MACF1: variants seen among roughly 807,000 people sequenced by gnomAD.
The protein encoded by MACF1 is microtubule actin crosslinking factor 1.
Under a neutral mutation model 854.8 loss-of-function variants are expected in MACF1, and 193 were observed. That is an observed-to-expected ratio of 0.23 (90% CI 0.20 to 0.25). The LOEUF is 0.25. MACF1 is among the 10% of genes least tolerant of loss of function. The probability of loss-of-function intolerance (pLI) is 1.00; values close to 1 mark genes in which losing one functional copy is unlikely to be tolerated. For synonymous variants in MACF1, 3,185 were observed against 3,226.7 expected, an observed-to-expected ratio of 0.99 and a Z score of 0.44; for missense variants, 7,722 against 8,929.1, an observed-to-expected ratio of 0.86 and a Z score of 5.45.
chr1:39,145,959 TG>T, intron 2 of MACF1, among the ~76,000 whole-genome samples: 1 of 152,186 alleles, frequency 6.6e-6, no homozygotes, highest in Non-Finnish European at 1.5e-5. Flanking sequence ...ACAACCACTA[TG>T]GAGAATGGTT....
chr1:39,232,746 G>GTTTTTTTTTTTTTT (rs10712180), intron 2 of MACF1, among the ~76,000 whole-genome samples: 2 of 128,478 alleles, frequency 1.6e-5, no homozygotes, highest in Admixed American at 7.9e-5. Context: ...TACTCTCTTT[G>GTTTTTTTTTTTTTT]TTTTTTTTTT....
intron 26 of MACF1, among the ~76,000 whole-genome samples, chr1:39,314,485 CAT>C (rs1192611328): frequency 1.3e-5 from 2 of 151,302 alleles, no homozygotes; most frequent in Non-Finnish European, 2.9e-5. Context: ...CATATACACA[CAT>C]ATACATGTAC....
At chr1:39,098,916 G>A (rs753937564) in intron 2 of MACF1, among the ~76,000 whole-genome samples, 11 of 152,210 alleles carry the variant, frequency 7.2e-5, no homozygotes, top group Non-Finnish European at 1.6e-4. Context: ...GTTTCTAGGA[G>A]CTGGGCAGAA....
intron 55 of MACF1, among the ~76,000 whole-genome samples, chr1:39,380,779 G>A (rs768676263): frequency 9.9e-5 from 15 of 152,066 alleles, no homozygotes; most frequent in Non-Finnish European, 1.9e-4. Context: ...AGGTGTGGTG[G>A]CATGAGCCTG....
At chr1:39,295,227 T>C (rs536758681) in intron 19 of MACF1, 77 bp downstream of exon 19, 19 of 1,231,202 alleles carry the variant, frequency 1.5e-5, no homozygotes, top group Non-Finnish European at 2.3e-5. Flanking sequence ...AGAGACTTTG[T>C]TCCACTGAAA....
intron 2 of MACF1, among the ~76,000 whole-genome samples, chr1:39,111,688 TA>T (rs1436537397): frequency 6.6e-6 from 1 of 152,072 alleles, no homozygotes; most frequent in Non-Finnish European, 1.5e-5. Context: ...GCAATTATTT[TA>T]TTTTTTTTAT....
chr1:39,118,424 A>G (rs1357357483), intron 2 of MACF1, among the ~76,000 whole-genome samples: 1 of 152,224 alleles, frequency 6.6e-6, no homozygotes, highest in Non-Finnish European at 1.5e-5. Context: ...CTTTCAGAGG[A>G]CTGGATCCTT....
upstream of MACF1, among the ~76,000 whole-genome samples, chr1:39,202,914 T>C (rs1238173012): frequency 1.3e-5 from 2 of 152,178 alleles, no homozygotes; most frequent in Admixed American, 1.3e-4. Context: ...GATGATCCTA[T>C]TGCCAGATTT....
chr1:39,377,738 T>A (rs1355292682), intron 52 of MACF1, among the ~76,000 whole-genome samples: 1 of 152,210 alleles, frequency 6.6e-6, no homozygotes, highest in East Asian at 1.9e-4. Flanking sequence ...GCACGGTGAC[T>A]CATGCCTATA....
intron 97 of MACF1, among the ~76,000 whole-genome samples, chr1:39,471,095 C>T (rs1644768459): frequency 6.6e-6 from 1 of 152,068 alleles, no homozygotes; most frequent in Non-Finnish European, 1.5e-5. Context: ...GGAGTGCTCT[C>T]CTGGAACTCA....
At chr1:39,448,546 A>G in intron 83 of MACF1, 48 bp from the exon 84 acceptor site, 4 of 1,414,396 alleles carry the variant, frequency 2.8e-6, no homozygotes, top group Non-Finnish European at 3.8e-6. Context: ...CCAAATCAAG[A>G]TGTCGTCTGA....
intron 2 of MACF1, among the ~76,000 whole-genome samples, chr1:39,232,146 T>G (rs1644784551): frequency 6.7e-6 from 1 of 148,414 alleles, no homozygotes; most frequent in Non-Finnish European, 1.5e-5. Flanking sequence ...AATATATTAT[T>G]ATGGTATTAT....
chr1:39,360,736 TA>T, intron 47 of MACF1, 56 bp from the exon 48 acceptor site: 1 of 862,508 alleles, frequency 1.2e-6, no homozygotes, highest in East Asian at 2.8e-5. Context: ...ATAAAGTCTT[TA>T]AAAGCATAAT....
chr1:39,364,705 G>T (rs1648530855), intron 49 of MACF1, among the ~76,000 whole-genome samples: 2 of 151,832 alleles, frequency 1.3e-5, no homozygotes, highest in Admixed American at 1.3e-4. Context: ...TGTTAGCCAG[G>T]ATGGTCTCGA....
chr1:39,096,545 C>T (rs760867061), intron 2 of MACF1, among the ~76,000 whole-genome samples: 2 of 150,084 alleles, frequency 1.3e-5, no homozygotes, highest in African/African-American at 4.9e-5. Context: ...GTCGAGACTG[C>T]GCCACTGCAC....
chr1:39,375,866 C>G (rs1410793697), intron 52 of MACF1, among the ~76,000 whole-genome samples: 1 of 152,230 alleles, frequency 6.6e-6, no homozygotes, highest in East Asian at 1.9e-4. Context: ...AACTGTCCAA[C>G]TGACTTGAAG....
At chr1:39,458,207 A>G (rs891454885) in intron 89 of MACF1, 163 bp from the exon 90 acceptor site, 15 of 609,856 alleles carry the variant, frequency 2.5e-5, no homozygotes, top group Admixed American at 1.2e-4. Context: ...GGAGGGGACA[A>G]ATATCCAAAC....
At chr1:39,308,183 C>T (rs1571311289) in intron 23 of MACF1, among the ~76,000 whole-genome samples, 2 of 152,030 alleles carry the variant, frequency 1.3e-5, no homozygotes, top group South Asian at 2.1e-4. Context: ...GGATTACAGG[C>T]GTGAGCCACC....
intron 2 of MACF1, among the ~76,000 whole-genome samples, chr1:39,147,788 T>G (rs948316219): frequency 6.6e-6 from 1 of 152,186 alleles, no homozygotes; most frequent in African/African-American, 2.4e-5. Flanking sequence ...CACATCTGAT[T>G]GGACACTAAG....
Sources: gnomAD v4.1 joint callset for allele counts (sites outside exome capture counted in the v4.1 genomes callset) on GRCh38, gnomAD v4.1.1 for gene constraint, MANE v1.5 for transcripts, NCBI Gene and HGNC (gene_info 2026-07-23, HGNC 2026-07-21) for gene names.